Variants in TANK observed in about 807,000 individuals in gnomAD.
The protein encoded by TANK is TRAF family member associated NFKB activator.
Under a neutral mutation model 43.6 loss-of-function variants are expected in TANK, and 15 were observed. The observed-to-expected ratio is 0.34, with a 90% confidence interval of 0.23 to 0.53. The LOEUF is 0.53. Ranked by LOEUF, TANK falls within the 20% of genes least tolerant of loss-of-function variation. TANK has a pLI of 0.94. For synonymous variants in TANK, 162 were observed against 178.2 expected (o/e 0.91, Z 0.73); for missense variants, 417 against 498.6 (o/e 0.84, Z 1.56).
chr2:161,141,717 A>G (rs897371999), intron 1 of TANK, among the ~76,000 whole-genome samples: 1 of 151,976 alleles, frequency 6.6e-6, no homozygotes, highest in Admixed American at 6.6e-5. Flanking sequence ...CATTTTCTTT[A>G]TCCTGTCTAT....
upstream of TANK, chr2:161,159,234 A>C (rs1034617651): frequency 6.6e-6 from 1 of 152,224 alleles, no homozygotes; most frequent in African/African-American, 2.4e-5. Context: ...CGCACAAAAA[A>C]ACCTGCACAC....
chr2:161,206,735 T>C (rs1686670905), intron 4 of TANK, among the ~76,000 whole-genome samples: 1 of 152,096 alleles, frequency 6.6e-6, no homozygotes. Flanking sequence ...TCTGACTTTT[T>C]GGAATGCAAT....
chr2:161,202,755 A>T (rs1316578081), intron 2 of TANK: 1 of 382,348 alleles, frequency 2.6e-6, no homozygotes, highest in African/African-American at 2.2e-5. Context: ...TTAAGACTGT[A>T]CTAATTTGGT....
At position 161,161,291 on chromosome 2, in the gene TANK, C is replaced by T. The variant is rs77087952; in HGVS notation, c.-50+805C>T. The T allele has an allele frequency of 4.7e-4, 733 of 1,550,500 alleles. 8 individuals carry two copies. The East Asian group carries it at 0.015, about 32-fold the overall frequency. On this transcript the variant is annotated intron_variant, in intron 1 of 7. Transcript: ENST00000392749. ...TGTTTATCTCACCTCACAGGAGATG[C>T]TTTTGACAAGTTATAATAAGGGAGA... is the stretch of plus-strand genomic sequence containing the variant.
chr2:161,141,823 T>C (rs997879559), intron 1 of TANK, among the ~76,000 whole-genome samples: 2 of 152,226 alleles, frequency 1.3e-5, no homozygotes, highest in African/African-American at 2.4e-5. Context: ...TATAATGATG[T>C]ATATTCCTTT....
intron 2 of TANK, among the ~76,000 whole-genome samples, chr2:161,190,584 G>T (rs1685870127): frequency 6.6e-6 from 1 of 152,260 alleles, no homozygotes; most frequent in South Asian, 2.1e-4. Flanking sequence ...ATGGATAACT[G>T]TAAGGTGGTA....
At chr2:161,227,162 A>AT (rs756561207) in intron 6 of TANK, 3 of 152,182 alleles carry the variant, frequency 2.0e-5, no homozygotes, top group Non-Finnish European at 1.5e-5. Flanking sequence ...TAAGGTTTAA[A>AT]TTTTTTTAAT....
chr2:161,210,026 A>G (rs1686809686), intron 4 of TANK, among the ~76,000 whole-genome samples: 1 of 152,224 alleles, frequency 6.6e-6, no homozygotes, highest in Admixed American at 6.5e-5. Context: ...GAGTTAATCA[A>G]AAACTCAAGT....
At chr2:161,147,250 G>T (rs1470510572) in intron 1 of TANK, among the ~76,000 whole-genome samples, 1 of 152,184 alleles carries the variant, frequency 6.6e-6, no homozygotes, top group African/African-American at 2.4e-5. Flanking sequence ...GGAACTTAGT[G>T]TGTTAGGTGG....
upstream of TANK, among the ~76,000 whole-genome samples, chr2:161,159,662 A>C (rs1037979599): frequency 6.6e-6 from 1 of 152,190 alleles, no homozygotes; most frequent in African/African-American, 2.4e-5. Flanking sequence ...ATGATTCAGA[A>C]ATACAGGGAG....
rs1223213968 is a variant in TANK, at chr2:161,152,757, C to T, written c.-50+15694C>T. Among the ~76,000 whole-genome samples the T allele has an allele frequency of 2.0e-5, 3 of 152,106 alleles. No homozygotes were observed. In the East Asian group the frequency reaches 5.8e-4, roughly 29 times the overall value. On this transcript the variant is annotated intron_variant, in intron 1 of 7. Coordinates refer to the TANK transcript ENST00000259075. ...TTTAAATAATTAGCCATAATTATAA[C>T]TTAAAATGTCTAAAAATTCACACTG...
intron 1 of TANK, among the ~76,000 whole-genome samples, chr2:161,168,051 G>T (rs1034557776): frequency 6.6e-6 from 1 of 152,162 alleles, no homozygotes; most frequent in Admixed American, 6.5e-5. Context: ...TATAGGGCAT[G>T]AGTTTTGGTA....
chr2:161,213,152 G>A (rs1477496416), intron 4 of TANK, among the ~76,000 whole-genome samples: 1 of 152,124 alleles, frequency 6.6e-6, no homozygotes, highest in Non-Finnish European at 1.5e-5. Context: ...CTATTCATGA[G>A]GGATCTGCCC....
At chr2:161,172,355 C>CTTTTT (rs72017971) in intron 1 of TANK, among the ~76,000 whole-genome samples, 55 of 89,122 alleles carry the variant, frequency 6.2e-4, no homozygotes, top group African/African-American at 1.7e-3. Context: ...TTTTTTTCGG[C>CTTTTT]TTTTTTTTTT....
chr2:161,161,752 T>G (rs1257038192), intron 1 of TANK: 2 of 222,504 alleles, frequency 9.0e-6, no homozygotes, highest in Non-Finnish European at 1.8e-5. Context: ...TAACTGTCAC[T>G]TACTATGTCC....
chr2:161,235,933 T>G lies in TANK; in HGVS notation c.*415T>G, dbSNP rs1688153597. 6.6e-6 allele frequency: 1 copy of G among 152,624 alleles called. No individual in the cohort carries two copies. The highest frequency in any genetic ancestry group is 1.5e-5 in the Non-Finnish European group (1 of 68,418). The allele number at this position is 152,624 out of a possible 1,614,324, so 9.5% of individuals were successfully genotyped here. A position where few individuals can be genotyped will look rare whatever the true frequency, so the allele number is the denominator to read the frequency against. ...TGTTTCTAGGGTTTTTTTAGTTTGTTTTTATTGAAAAATTTAATTATTTAT... is the reference window on the plus strand; with the variant it reads ...TGTTTCTAGGGTTTTTTTAGTTTGTGTTTATTGAAAAATTTAATTATTTAT... On this transcript the variant is annotated 3_prime_UTR_variant, in exon 8 of 8. Transcript: ENST00000392749.
At chr2:161,191,813 A>T (rs185537380) in intron 2 of TANK, among the ~76,000 whole-genome samples, 1,572 of 151,936 alleles carry the variant, frequency 0.01, 23 homozygotes, top group African/African-American at 0.036. Context: ...CTTTTTTTTG[A>T]GATGGAATCT....
intron 4 of TANK, among the ~76,000 whole-genome samples, chr2:161,213,067 C>T (rs1004000401): frequency 1.3e-5 from 2 of 152,088 alleles, no homozygotes; most frequent in Non-Finnish European, 2.9e-5. Context: ...TTTTTAACAA[C>T]CAGTTTTCTC....
intron 1 of TANK, among the ~76,000 whole-genome samples, chr2:161,167,103 C>A (rs530557111): frequency 6.6e-6 from 1 of 152,204 alleles, no homozygotes; most frequent in South Asian, 2.1e-4. Flanking sequence ...TTGGGGAAAC[C>A]CAGCAGAGGG....
Sources: gnomAD v4.1 joint callset for allele counts (sites outside exome capture counted in the v4.1 genomes callset) on GRCh38, gnomAD v4.1.1 for gene constraint, MANE v1.5 for transcripts, NCBI Gene and HGNC (gene_info 2026-07-23, HGNC 2026-07-21) for gene names.